Variants in CGNL1 observed in about 807,000 individuals in gnomAD.
CGNL1 encodes cingulin-like protein 1.
A neutral mutation model predicts 141.2 loss-of-function variants in CGNL1; 132 were observed. That is an observed-to-expected ratio of 0.93 (90% CI 0.81 to 1.08). CGNL1 has a LOEUF of 1.08. Among genes scored for constraint, CGNL1 ranks in the 50% least tolerant of loss-of-function variants. CGNL1 has a pLI of 0.00. For synonymous variants in CGNL1, 690 were observed against 622.1 expected, an observed-to-expected ratio of 1.11 and a Z score of -1.63; for missense variants, 1,870 against 1,588.6, an observed-to-expected ratio of 1.18 and a Z score of -3.01.
intron 8 of CGNL1, among the ~76,000 whole-genome samples, chr15:57,485,145 C>A (rs1475490119): frequency 6.6e-6 from 1 of 151,872 alleles, no homozygotes; most frequent in African/African-American, 2.4e-5. Flanking sequence ...GTGTTTAAAA[C>A]AAAATTTTCT....
At chr15:57,457,041 C>G (rs187828040) in intron 7 of CGNL1, among the ~76,000 whole-genome samples, 1 of 152,054 alleles carries the variant, frequency 6.6e-6, no homozygotes, top group Non-Finnish European at 1.5e-5. Context: ...TCTCACCAGC[C>G]GTGTGATGCT....
chr15:57,476,078 C>G (rs2063652992), intron 8 of CGNL1, among the ~76,000 whole-genome samples: 1 of 152,200 alleles, frequency 6.6e-6, no homozygotes, highest in African/African-American at 2.4e-5. Flanking sequence ...AAGGTGGCCT[C>G]TGCTCTCAAC....
At chr15:57,383,754 G>T (rs1228545662) in intron 1 of CGNL1, among the ~76,000 whole-genome samples, 1 of 151,520 alleles carries the variant, frequency 6.6e-6, no homozygotes, top group African/African-American at 2.4e-5. Context: ...TCAGCCTCCC[G>T]AGGAGCTGGG....
chr15:57,459,400 A>G (rs1215377518), intron 7 of CGNL1, among the ~76,000 whole-genome samples: 1 of 152,250 alleles, frequency 6.6e-6, no homozygotes, highest in Non-Finnish European at 1.5e-5. Flanking sequence ...AATGTAAAAT[A>G]AAAAGTGTTA....
At chr15:57,434,307 A>C (rs2063079246) in intron 1 of CGNL1, among the ~76,000 whole-genome samples, 1 of 152,188 alleles carries the variant, frequency 6.6e-6, no homozygotes, top group Non-Finnish European at 1.5e-5. Flanking sequence ...GTATCTCTGA[A>C]AAGTAGAGTA....
At chr15:57,496,398 C>T (rs1334908260) in intron 8 of CGNL1, among the ~76,000 whole-genome samples, 2 of 152,104 alleles carry the variant, frequency 1.3e-5, no homozygotes, top group African/African-American at 2.4e-5. Context: ...AACACAAACC[C>T]TATTGTTAAC....
chr15:57,382,655 C>T (rs569129765), intron 1 of CGNL1, among the ~76,000 whole-genome samples: 20 of 152,254 alleles, frequency 1.3e-4, no homozygotes, highest in African/African-American at 4.6e-4. Flanking sequence ...TGACCTTTTC[C>T]CTTAGTTTTC....
chr15:57,426,043 C>T (rs1219087147), intron 1 of CGNL1, among the ~76,000 whole-genome samples: 1 of 152,096 alleles, frequency 6.6e-6, no homozygotes, highest in African/African-American at 2.4e-5. Flanking sequence ...TCCCCCGCCA[C>T]AATTCTAACT....
At chr15:57,502,791 C>T (rs1339394194) in intron 8 of CGNL1, among the ~76,000 whole-genome samples, 3 of 152,146 alleles carry the variant, frequency 2.0e-5, no homozygotes, top group Non-Finnish European at 4.4e-5. Context: ...TGTAGATAAT[C>T]AATGGTGGAT....
chr15:57,487,364 G>C (rs887760995), intron 8 of CGNL1, among the ~76,000 whole-genome samples: 9 of 91,642 alleles, frequency 9.8e-5, no homozygotes, highest in Middle Eastern at 4.9e-3. Context: ...GGTATACAGA[G>C]TCAAAAAAAG....
intron 8 of CGNL1, among the ~76,000 whole-genome samples, chr15:57,516,292 C>T (rs1324857219): frequency 1.3e-5 from 2 of 152,096 alleles, no homozygotes. Flanking sequence ...GCAGTTCCTC[C>T]TAAGTGATCT....
intron 3 of CGNL1, among the ~76,000 whole-genome samples, 171 bp from the exon 4 acceptor site, chr15:57,442,202 A>AAAAAAAAAAAAAAAAC (rs1734731741): frequency 7.2e-6 from 1 of 139,708 alleles, no homozygotes; most frequent in Non-Finnish European, 1.6e-5. Context: ...AAAAAAAAAA[A>AAAAAAAAAAAAAAAAC]AGACACCATC....
In CGNL1 at chr15:57,439,141, A is replaced by G; in HGVS notation, c.1142A>G (p.Asp381Gly). ...RSGKRNRINTDDRKRSRSVDS... is the reference protein window; with the variant it reads ...RSGKRNRINTGDRKRSRSVDS... ...GGGAAGCGAAACAGAATTAATACAG[A>G]TGACAGGAAAAGATCCAGAAGCGTG... The change falls in exon 2 of 19, where the codon GAT becomes GGT. Residue 381 changes from aspartate (D) to glycine (G), a missense_variant. Physicochemically the swap from Asp to Gly is moderately conservative, Grantham distance 94. Coordinates refer to ENST00000281282, the MANE Select transcript of CGNL1 (RefSeq NM_032866.5). 6.2e-7 allele frequency: 1 copy of G among 1,614,188 alleles called. No individual in the cohort carries two copies. Among genetic ancestry groups the G allele is most frequent in the Non-Finnish European group, 8.5e-7 (1 of 1,180,022 alleles).
chr15:57,442,433 G>T lies in CGNL1; in HGVS notation c.1758G>T (p.Gln586His). ...TCAACTTGGTCTTTGAGAAAATCCA[G>T]ACCTTAAAGTCTCGAGCAGCTGGGA... ...RKVNLVFEKI[Q>H]TLKSRAAGSA... Residue 586 changes from glutamine (Q) to histidine (H), a missense_variant, in exon 4 of 19, where the codon CAG (glutamine) becomes CAT (histidine). Transcript: ENST00000281282. 1 of 1,613,718 alleles carries T rather than the reference G, an allele frequency of 6.2e-7. No individual in the cohort carries two copies. The highest frequency in any genetic ancestry group is 1.1e-5 in the South Asian group (1 of 91,056).
chr15:57,455,785 A>C (rs1156675443), intron 7 of CGNL1, among the ~76,000 whole-genome samples: 1 of 152,134 alleles, frequency 6.6e-6, no homozygotes, highest in Non-Finnish European at 1.5e-5. Context: ...TAGTTTATTG[A>C]TTTATTTATA....
chr15:57,451,604 A>ATCTGGTTT lies in CGNL1; in HGVS notation c.1905+5_1905+12dup, dbSNP rs2063323109. The ATCTGGTTT allele has an allele frequency of 6.3e-7, 1 of 1,592,806 alleles. No homozygotes were observed. On this transcript the variant is annotated splice_donor_region_variant and intron_variant, in intron 5 of 18. Transcript: ENST00000281282. ...GACAGCTTCAACTGGAAGTCAAGGT[A>ATCTGGTTT]TCTGGTTTTTCCTTTATGTTATTTT...
intron 1 of CGNL1, among the ~76,000 whole-genome samples, chr15:57,434,127 G>T (rs1170220020): frequency 6.6e-6 from 1 of 152,200 alleles, no homozygotes; most frequent in East Asian, 1.9e-4. Context: ...TGTTGTTGCA[G>T]AAAGCAGAGA....
rs539538339 is a variant in CGNL1 at position 57,470,252 on chromosome 15, C to G, written c.2403+8360C>G. Among the ~76,000 whole-genome samples the G allele has an allele frequency of 6.7e-3, 295 of 44,104 alleles. 2 individuals are homozygous for G. The highest frequency in any genetic ancestry group is 0.038 in the African/African-American group (287 of 7,514). 28.9% of individuals were successfully genotyped at this position (44,104 alleles called of 152,430 possible). On this transcript the variant is annotated intron_variant, in intron 8 of 18. Coordinates refer to ENST00000281282, the MANE Select transcript of CGNL1 (RefSeq NM_032866.5). Reference sequence around the variant, plus strand: ...TAAAAAAAGATCTCTTTTTTTTTGTCTCTCTTTTTTTTTTTTTTTGCCTGC... The same window carrying G: ...TAAAAAAAGATCTCTTTTTTTTTGTGTCTCTTTTTTTTTTTTTTTGCCTGC...
At chr15:57,510,513 G>A (rs562104051) in intron 8 of CGNL1, among the ~76,000 whole-genome samples, 1 of 152,268 alleles carries the variant, frequency 6.6e-6, no homozygotes, top group East Asian at 1.9e-4. Flanking sequence ...GTGCCGGGTG[G>A]GCAAGGAGGA....
Sources: gnomAD v4.1 joint callset for allele counts (sites outside exome capture counted in the v4.1 genomes callset) on GRCh38, gnomAD v4.1.1 for gene constraint, MANE v1.5 for transcripts, NCBI Gene and HGNC (gene_info 2026-07-23, HGNC 2026-07-21) for gene names.